Variants in NRXN1 observed in about 807,000 individuals in gnomAD.
The protein encoded by NRXN1 is neurexin 1, also known as neurexin-1.
In NRXN1, 39 loss-of-function variants were observed where a neutral mutation model predicts 150.9. The ratio of observed to expected loss-of-function variants is 0.26; its 90% CI spans 0.20 to 0.34. The LOEUF is 0.34. Among genes scored for constraint, NRXN1 ranks in the 10% least tolerant of loss-of-function variants. The pLI, the probability that NRXN1 is intolerant of heterozygous loss-of-function variation, is 1.00. For synonymous variants in NRXN1, 924 were observed against 757.0 expected (o/e 1.22, Z -3.62); for missense variants, 1,815 against 1,949.9 (o/e 0.93, Z 1.30).
chr2:50,424,856 T>TTATTTCGA (rs138898841), intron 17 of NRXN1, among the ~76,000 whole-genome samples: 3,383 of 152,252 alleles, frequency 0.022, 123 homozygotes, highest in African/African-American at 0.078. Context: ...TTAATACCAG[T>TTATTTCGA]AATATCAGTT....
chr2:50,086,610 C>T (rs1558847657), intron 19 of NRXN1, among the ~76,000 whole-genome samples: 2 of 152,262 alleles, frequency 1.3e-5, no homozygotes, highest in East Asian at 3.9e-4. Flanking sequence ...TACATTTTAT[C>T]TGACATGTTC....
chr2:50,540,101 C>T (rs2093355513), intron 9 of NRXN1, among the ~76,000 whole-genome samples: 1 of 152,092 alleles, frequency 6.6e-6, no homozygotes, highest in African/African-American at 2.4e-5. Context: ...AAAGACTGCT[C>T]AGGTGGCCGA....
At position 51,001,543 on chromosome 2, in the gene NRXN1, C is replaced by T. The variant is rs1442286619; in HGVS notation, c.772+25959G>A. On this transcript the variant is annotated intron_variant, in intron 2 of 22. Coordinates refer to ENST00000401669, the MANE Select transcript of NRXN1 (RefSeq NM_001330078.2). ...CCTACACCAGTTTTACTGAGCTCCC[C>T]TAAAGGGAGATCAATTAAGCATACA... is the stretch of plus-strand genomic sequence containing the variant. 2.0e-5 allele frequency among the ~76,000 whole-genome samples: 3 copies of T among 151,904 alleles called. 1 individual carries two copies. In the East Asian group the frequency reaches 5.8e-4, roughly 30 times the overall value.
intron 17 of NRXN1, among the ~76,000 whole-genome samples, chr2:50,423,567 C>G (rs189576629): frequency 6.6e-6 from 1 of 151,920 alleles, no homozygotes; most frequent in Non-Finnish European, 1.5e-5. Flanking sequence ...GATAAGGAAG[C>G]GAGATATTAA....
chr2:50,483,083 C>A lies in NRXN1; in HGVS notation c.3071-10612G>T, dbSNP rs1025239536. 5.4e-5 allele frequency among the ~76,000 whole-genome samples: 8 copies of A among 148,046 alleles called. No individual in the cohort carries two copies. In the South Asian group the frequency reaches 1.7e-3, roughly 32 times the overall value. Reference sequence around the variant, plus strand: ...AAAAAAAAAAAAAAAAGGAATCTGGCCACCAAAACCAAGATGGCAATGAAA... The same window carrying A: ...AAAAAAAAAAAAAAAAGGAATCTGGACACCAAAACCAAGATGGCAATGAAA... On this transcript the variant is annotated intron_variant, in intron 15 of 22. Transcript: ENST00000401669.
At chr2:51,009,585 T>C (rs1667543430) in intron 2 of NRXN1, among the ~76,000 whole-genome samples, 2 of 151,970 alleles carry the variant, frequency 1.3e-5, no homozygotes, top group East Asian at 3.9e-4. Context: ...TAAGTAATTA[T>C]TGATAACATA....
chr2:50,947,362 T>G (rs1049470165), intron 2 of NRXN1, among the ~76,000 whole-genome samples: 1 of 151,950 alleles, frequency 6.6e-6, no homozygotes, highest in Non-Finnish European at 1.5e-5. Flanking sequence ...ATACAAATAC[T>G]ATTATTTTAA....
At chr2:50,836,546 C>T (rs1192184623) in intron 5 of NRXN1, among the ~76,000 whole-genome samples, 2 of 151,958 alleles carry the variant, frequency 1.3e-5, no homozygotes, top group African/African-American at 4.8e-5. Flanking sequence ...TTTTAGATTC[C>T]ACCCGTAAGT....
intron 8 of NRXN1, among the ~76,000 whole-genome samples, chr2:50,585,411 C>A (rs1350739369): frequency 2.6e-5 from 4 of 151,870 alleles, no homozygotes; most frequent in African/African-American, 9.7e-5. Context: ...TGTAGATTAT[C>A]AGTTTTGCAA....
chr2:50,802,794 G>C (rs1463280225), intron 5 of NRXN1, among the ~76,000 whole-genome samples: 1 of 152,100 alleles, frequency 6.6e-6, no homozygotes, highest in African/African-American at 2.4e-5. Context: ...CACACACAGA[G>C]GGAGGAGGAT....
At chr2:50,373,654 G>GA (rs71404949) in intron 17 of NRXN1, among the ~76,000 whole-genome samples, 11,430 of 98,816 alleles carry the variant, frequency 0.12, 755 homozygotes, top group East Asian at 0.26. Context: ...AAGAAAGAAA[G>GA]AAAGAAAGAA....
chr2:50,077,515 A>G (rs754423042), intron 19 of NRXN1, among the ~76,000 whole-genome samples: 1 of 152,138 alleles, frequency 6.6e-6, no homozygotes, highest in Non-Finnish European at 1.5e-5. Flanking sequence ...CTCTAACCAC[A>G]AAATGCACTC....
chr2:50,865,732 C>G (rs1258007064), intron 5 of NRXN1, among the ~76,000 whole-genome samples: 3 of 110,538 alleles, frequency 2.7e-5, no homozygotes, highest in African/African-American at 1.1e-4. Context: ...TACCAGTAAA[C>G]ATTTGATAGT....
chr2:50,895,577 G>GTTTTTTTTTTTTT (rs1559407584), intron 5 of NRXN1, among the ~76,000 whole-genome samples: 2 of 144,520 alleles, frequency 1.4e-5, no homozygotes, highest in Middle Eastern at 3.5e-3. Flanking sequence ...TGTTTTTTTT[G>GTTTTTTTTTTTTT]TTTGTTTGTC....
intron 12 of NRXN1, among the ~76,000 whole-genome samples, chr2:50,511,271 C>T (rs547467087): frequency 6.6e-6 from 1 of 152,204 alleles, no homozygotes; most frequent in African/African-American, 2.4e-5. Context: ...TGTTCGAGGC[C>T]AGTCTGGTCT....
intron 5 of NRXN1, among the ~76,000 whole-genome samples, chr2:50,825,906 G>C (rs1412610149): frequency 1.3e-5 from 2 of 152,172 alleles, no homozygotes; most frequent in East Asian, 1.9e-4. Flanking sequence ...AGAACTGCTG[G>C]CTTGATGTTT....
intron 17 of NRXN1, among the ~76,000 whole-genome samples, chr2:50,433,009 G>A (rs1473221508): frequency 1.3e-5 from 2 of 152,172 alleles, no homozygotes; most frequent in African/African-American, 2.4e-5. Flanking sequence ...ACATGGAAAT[G>A]AGTCCCTCAG....
intron 2 of NRXN1, among the ~76,000 whole-genome samples, chr2:51,021,386 A>C (rs966212743): frequency 6.6e-6 from 1 of 151,984 alleles, no homozygotes; most frequent in Non-Finnish European, 1.5e-5. Context: ...ATTTTCAGGT[A>C]CTAATGTGTC....
At chr2:50,594,001 A>G (rs1204870589) in intron 8 of NRXN1, among the ~76,000 whole-genome samples, 1 of 152,208 alleles carries the variant, frequency 6.6e-6, no homozygotes, top group Non-Finnish European at 1.5e-5. Context: ...ACAATGATAT[A>G]AACAAATTTG....
Sources: gnomAD v4.1 joint callset for allele counts (sites outside exome capture counted in the v4.1 genomes callset) on GRCh38, gnomAD v4.1.1 for gene constraint, MANE v1.5 for transcripts, NCBI Gene and HGNC (gene_info 2026-07-23, HGNC 2026-07-21) for gene names.